CFAP20DC: variants seen among roughly 807,000 people sequenced by gnomAD.
The protein encoded by CFAP20DC is CFAP20 domain containing.
In CFAP20DC, 84 loss-of-function variants were observed where a neutral mutation model predicts 101.7. The ratio of observed to expected loss-of-function variants is 0.83; its 90% CI spans 0.69 to 0.99. The LOEUF (loss-of-function observed/expected upper bound fraction) is 0.99, where lower values mean the gene tolerates loss of function less well. Ranked by LOEUF, CFAP20DC falls within the 50% of genes least tolerant of loss-of-function variation. CFAP20DC has a pLI of 0.00. For synonymous variants in CFAP20DC, 359 were observed against 351.2 expected (o/e 1.02, Z -0.25); for missense variants, 1,007 against 970.3 (o/e 1.04, Z -0.50).
At chr3:58,753,633 G>T in intron 16 of CFAP20DC, 136 bp downstream of exon 16, 1 of 648,976 alleles carries the variant, frequency 1.5e-6, no homozygotes, top group Non-Finnish European at 2.7e-6. Flanking sequence ...ATGAGGCTCA[G>T]GTTACCTCAT....
chr3:59,028,486 A>G (rs574386095), intron 4 of CFAP20DC, among the ~76,000 whole-genome samples: 11 of 152,374 alleles, frequency 7.2e-5, no homozygotes, highest in Admixed American at 3.3e-4. Context: ...TAAAAGGCTT[A>G]GCTCTTTCAA....
At chr3:58,846,454 C>G (rs1302792721) in intron 13 of CFAP20DC, among the ~76,000 whole-genome samples, 1 of 152,122 alleles carries the variant, frequency 6.6e-6, no homozygotes, top group Non-Finnish European at 1.5e-5. Flanking sequence ...ATCCAACCTA[C>G]AAGGGATGTG....
At chr3:59,033,761 G>A (rs563998412) in intron 4 of CFAP20DC, among the ~76,000 whole-genome samples, 1 of 152,296 alleles carries the variant, frequency 6.6e-6, no homozygotes, top group East Asian at 1.9e-4. Context: ...ATGGAATCAA[G>A]TTGGAAAACA....
chr3:58,762,036 G>T (rs1045650614), intron 15 of CFAP20DC, among the ~76,000 whole-genome samples: 45 of 152,306 alleles, frequency 3.0e-4, no homozygotes, highest in African/African-American at 1.0e-3. Context: ...GGAGAGTTCT[G>T]TAGATGTCTA....
chr3:58,842,383 C>T (rs796816809), intron 13 of CFAP20DC, among the ~76,000 whole-genome samples: 12 of 152,122 alleles, frequency 7.9e-5, no homozygotes. Context: ...GTTCCCTTTC[C>T]GAGTCAAAGA....
intron 6 of CFAP20DC, among the ~76,000 whole-genome samples, chr3:58,909,690 TAA>T (rs756302148): frequency 3.0e-4 from 45 of 152,304 alleles, no homozygotes; most frequent in Non-Finnish European, 1.0e-4. Flanking sequence ...TTTCTTTTCT[TAA>T]AGACTTAACT....
intron 3 of CFAP20DC, among the ~76,000 whole-genome samples, chr3:58,720,689 C>T (rs572449952): frequency 6.6e-6 from 1 of 152,312 alleles, no homozygotes; most frequent in South Asian, 2.1e-4. Flanking sequence ...ACTATAATCT[C>T]ACTATAAATG....
At chr3:59,033,444 G>T (rs1325059315) in intron 4 of CFAP20DC, among the ~76,000 whole-genome samples, 2 of 152,052 alleles carry the variant, frequency 1.3e-5, no homozygotes, top group African/African-American at 4.8e-5. Context: ...AGGAAGCTAA[G>T]AACCTTGAAA....
intron 14 of CFAP20DC, among the ~76,000 whole-genome samples, chr3:58,812,137 G>C (rs921516909): frequency 6.6e-6 from 1 of 152,168 alleles, no homozygotes; most frequent in African/African-American, 2.4e-5. Flanking sequence ...CATTGTGGAA[G>C]TCAGTGTGGC....
At chr3:59,005,464 A>G (rs2093412746) in intron 4 of CFAP20DC, among the ~76,000 whole-genome samples, 1 of 152,234 alleles carries the variant, frequency 6.6e-6, no homozygotes, top group Admixed American at 6.5e-5. Context: ...GTCACCTTAC[A>G]TAACACTATG....
At chr3:58,962,365 A>G (rs561601739) in intron 4 of CFAP20DC, among the ~76,000 whole-genome samples, 54 of 152,104 alleles carry the variant, frequency 3.6e-4, no homozygotes, top group Non-Finnish European at 6.8e-4. Flanking sequence ...TAATTCCTTT[A>G]TGGTCAGATA....
chr3:58,849,198 G>T lies in CFAP20DC; in HGVS notation c.1805C>A (p.Thr602Lys), dbSNP rs1361039239. 3.3e-6 allele frequency: 5 copies of T among 1,535,968 alleles called. No homozygotes were observed. Among genetic ancestry groups the T allele is most frequent in the Non-Finnish European group, 4.4e-6 (5 of 1,146,898 alleles). ...RNNFEMSLLPTTCLSPTGRRC... is the reference protein window; with the variant it reads ...RNNFEMSLLPKTCLSPTGRRC... ...TCTTCCAGTTGGAGAAAGGCATGTT[G>T]TAGGCAACAAACTCATTTCAAAGTT... The change falls in exon 13 of 17, where the codon ACA (threonine) becomes AAA (lysine). Residue 602 changes from threonine to lysine, a missense_variant. By Grantham distance (78) the Thr-to-Lys change is moderately conservative (BLOSUM62 -1). Coordinates refer to ENST00000482387, the MANE Select transcript of CFAP20DC (RefSeq NM_001394063.1).
intron 6 of CFAP20DC, among the ~76,000 whole-genome samples, chr3:58,890,956 G>C (rs2082180240): frequency 1.4e-5 from 2 of 145,716 alleles, no homozygotes; most frequent in South Asian, 4.6e-4. Context: ...CAGCCAGGCA[G>C]AGGGGCTCCT....
chr3:58,785,026 A>G (rs1170747740), intron 15 of CFAP20DC, among the ~76,000 whole-genome samples: 1 of 152,122 alleles, frequency 6.6e-6, no homozygotes, highest in Non-Finnish European at 1.5e-5. Flanking sequence ...TAAGGAATCA[A>G]CCTAAGTGTC....
intron 13 of CFAP20DC, among the ~76,000 whole-genome samples, chr3:58,833,408 A>G (rs993896875): frequency 6.6e-6 from 1 of 152,210 alleles, no homozygotes; most frequent in African/African-American, 2.4e-5. Flanking sequence ...TGCAAAAATA[A>G]AAAAGGAAAC....
rs549833230 is a variant in CFAP20DC at position 58,779,375 on chromosome 3, C to T, written c.2238-25512G>A. On this transcript the variant is annotated intron_variant, in intron 15 of 16. Transcript: ENST00000482387. ...TGGGCAGGAGTAACTATGCTTATAT[C>T]AAATAGAATAGACTTTAAGCAAAAC... Among the ~76,000 whole-genome samples the T allele has an allele frequency of 6.8e-4, 104 of 152,164 alleles. No individual in the cohort carries two copies. In the Middle Eastern group the frequency reaches 0.01, roughly 15 times the overall value.
At chr3:58,806,204 A>G (rs1012443637) in intron 15 of CFAP20DC, among the ~76,000 whole-genome samples, 191 bp downstream of exon 15, 3 of 152,230 alleles carry the variant, frequency 2.0e-5, no homozygotes, top group Non-Finnish European at 4.4e-5. Flanking sequence ...AAAGGTAGAT[A>G]TTTAAACCTA....
At chr3:58,949,812 T>C (rs1184080326) in intron 4 of CFAP20DC, among the ~76,000 whole-genome samples, 3 of 152,200 alleles carry the variant, frequency 2.0e-5, no homozygotes, top group Admixed American at 2.0e-4. Flanking sequence ...ACAGCCAGTA[T>C]CATACTGAAT....
chr3:59,026,873 C>T (rs753211171), intron 4 of CFAP20DC, among the ~76,000 whole-genome samples: 11 of 152,102 alleles, frequency 7.2e-5, no homozygotes, highest in Admixed American at 2.6e-4. Context: ...TGGCTTGAGG[C>T]TAAAGCTTTG....
Sources: allele counts gnomAD v4.1 joint callset (sites outside exome capture counted in the v4.1 genomes callset), GRCh38; gene constraint gnomAD v4.1.1; transcripts MANE v1.5; gene names NCBI Gene and HGNC (gene_info 2026-07-23, HGNC 2026-07-21).